CDH16: variants seen among roughly 807,000 people sequenced by gnomAD.
CDH16 encodes the protein cadherin 16.
Under a neutral mutation model 87.6 loss-of-function variants are expected in CDH16, and 79 were observed. The ratio of observed to expected loss-of-function variants is 0.90; its 90% CI spans 0.75 to 1.09. CDH16 has a LOEUF of 1.09. Among genes scored for constraint, CDH16 ranks in the 50% least tolerant of loss-of-function variants. The pLI is 0.00. For synonymous variants in CDH16, 457 were observed against 439.5 expected (o/e 1.04, Z -0.50); for missense variants, 1,124 against 1,071.7 (o/e 1.05, Z -0.68).
rs1307777934 is a variant in CDH16 at position 66,910,094 on chromosome 16, C to A, written c.2168-1G>T. ...GCCAAGGTGAGGTAGGCATGGGAAC[C>A]TTTTGGGACAGCAGGCAAAGACCAG... On this transcript the variant is annotated splice_acceptor_variant, in intron 15 of 17. Transcript: ENST00000299752. LOFTEE classifies it high-confidence loss of function. 3 of 1,608,772 alleles carry A rather than the reference C, an allele frequency of 1.9e-6. No individual in the cohort carries two copies. Among genetic ancestry groups the A allele is most frequent in the South Asian group, 1.1e-5 (1 of 90,258 alleles).
In CDH16 at chr16:66,909,190, A is replaced by C. The variant is rs1449288021; in HGVS notation, c.2392+77T>G. 5.5e-6 allele frequency: 5 copies of C among 908,534 alleles called. No individual in the cohort carries two copies. The highest frequency in any genetic ancestry group is 9.2e-6 in the Non-Finnish European group (5 of 541,932). The allele number at this position is 908,534 out of a possible 1,614,324, so 56.3% of individuals were successfully genotyped here. A position where few individuals can be genotyped will look rare whatever the true frequency, so the allele number is the denominator to read the frequency against. On this transcript the variant is annotated intron_variant, in intron 17 of 17. Coordinates refer to ENST00000299752, the MANE Select transcript of CDH16 (RefSeq NM_004062.4). The surrounding 1 kb of genome is among the most constrained non-coding windows in gnomAD (Gnocchi z 4.1). Reference sequence around the variant, plus strand: ...TCAGAGCTAGGGGCACCATGGGGACAAAGGTGTTTATTTGGAGGCTGTGGT... The same window carrying C: ...TCAGAGCTAGGGGCACCATGGGGACCAAGGTGTTTATTTGGAGGCTGTGGT...
chr16:66,916,230 G>A lies in CDH16; in HGVS notation c.286-27C>T. On this transcript the variant is annotated intron_variant, in intron 4 of 17. Transcript: ENST00000299752. The surrounding 1 kb of genome is among the most constrained non-coding windows in gnomAD (Gnocchi z 4.1). ...TGGCAGGGAAGGGGAGTCAGCGTCTGGCTCTGCCTTGCCTGCTCTCCCCTA... is the reference window on the plus strand; with the variant it reads ...TGGCAGGGAAGGGGAGTCAGCGTCTAGCTCTGCCTTGCCTGCTCTCCCCTA... The A allele has an allele frequency of 6.2e-7, 1 of 1,614,242 alleles. No homozygotes were observed. Among genetic ancestry groups the A allele is most frequent in the Non-Finnish European group, 8.5e-7 (1 of 1,180,026 alleles).
chr16:66,918,162 T>A (rs1175083696), intron 1 of CDH16, 84 bp from the exon 2 acceptor site: 1 of 876,344 alleles, frequency 1.1e-6, no homozygotes, highest in East Asian at 3.0e-5. Flanking sequence ...GGGATCGTAC[T>A]GCAGACTAGT....
chr16:66,909,288 C>T lies in CDH16; in HGVS notation c.2371G>A (p.Val791Ile). ...TTACCTATTGCTACCAGGGTGCCTA[C>T]AAGGATGCCCACTGCCGACAGCTTC... Reference protein sequence around the residue: ...PTKLSAVGILVGTLVAIGIFL... With the variant: ...PTKLSAVGILIGTLVAIGIFL... Residue 791 changes from valine to isoleucine, a missense_variant, in exon 17 of 18, where the codon GTA becomes ATA. Transcript: ENST00000299752. This position sits in a 1 kb window ranked among gnomAD's most constrained non-coding sequence, Gnocchi z 4.1. 6.2e-7 allele frequency: 1 copy of T among 1,613,020 alleles called. No homozygotes were observed.
intron 6 of CDH16, 62 bp from the exon 7 acceptor site, chr16:66,914,474 C>T (rs1379447258): frequency 1.6e-6 from 2 of 1,266,612 alleles, no homozygotes; most frequent in Admixed American, 3.8e-5. Context: ...GGGCATCATT[C>T]TCAGCAAGAT....
Position 66,916,162 on chromosome 16 carries a change from T to C in CDH16, c.327A>G (p.Pro109=), listed in dbSNP as rs751988526. The stretch of plus-strand genomic sequence containing the variant: ...CCTTCACGTGCACAAGCACAGGCTG[T>C]GGACCCCACAAGACATGTCCATCCT... ...EMQDGHVLWG[P]QPVLVHVKDE... Residue 109 remains proline (P), a synonymous_variant, in exon 5 of 18, where the codon CCA becomes CCG. Transcript: ENST00000299752. This position sits in a 1 kb window ranked among gnomAD's most constrained non-coding sequence, Gnocchi z 4.1. The C allele has an allele frequency of 6.2e-7, 1 of 1,614,270 alleles. No individual in the cohort carries two copies. The highest frequency in any genetic ancestry group is 2.2e-5 in the East Asian group (1 of 44,878).
chr16:66,912,456 C>G, intron 11 of CDH16, 26 bp from the exon 12 acceptor site: 1 of 1,613,800 alleles, frequency 6.2e-7, no homozygotes, highest in Non-Finnish European at 8.5e-7. Flanking sequence ...GGATGGTGAG[C>G]CCCCCACCAG....
Position 66,913,177 on chromosome 16 carries a change from G to A in CDH16, c.1008C>T (p.Cys336=), listed in dbSNP as rs151241188. 137 of 1,608,810 alleles carry A rather than the reference G, an allele frequency of 8.5e-5. 2 individuals are homozygous for A. The African/African-American group carries it at 1.2e-3, about 14-fold the overall frequency. ...TGCTGACTGTGGGGTCACGGGGAGGGCAGATAGGCACGTTGTCATTCTCAT... is the reference window on the plus strand; with the variant it reads ...TGCTGACTGTGGGGTCACGGGGAGGACAGATAGGCACGTTGTCATTCTCAT... The part of the protein sequence containing the change: ...VMDENDNVPI[C]PPRDPTVSIP... The change falls in exon 9 of 18, where the codon TGC becomes TGT. Residue 336 remains cysteine (C), a synonymous_variant. Coordinates refer to ENST00000299752, the MANE Select transcript of CDH16 (RefSeq NM_004062.4).
In CDH16 at chr16:66,913,480, C is replaced by A. The variant is rs3848284; in HGVS notation, c.903+11G>T. On this transcript the variant is annotated intron_variant, in intron 8 of 17. Coordinates refer to ENST00000299752, the MANE Select transcript of CDH16 (RefSeq NM_004062.4). ...CCCCAGCCTGCATCCCTGGCTCCCCCTTCATATCACCTCAGCCTGGGCTTC... is the reference window on the plus strand; with the variant it reads ...CCCCAGCCTGCATCCCTGGCTCCCCATTCATATCACCTCAGCCTGGGCTTC... The A allele has an allele frequency of 1.2e-6, 2 of 1,613,772 alleles. No individual in the cohort carries two copies. The highest frequency in any genetic ancestry group is 2.7e-5 in the African/African-American group (2 of 74,846).
intron 15 of CDH16, 54 bp downstream of exon 15, chr16:66,910,206 T>C: frequency 6.4e-7 from 1 of 1,556,672 alleles, no homozygotes; most frequent in Non-Finnish European, 8.7e-7. Context: ...CACTTCCAAG[T>C]GACACCCCCT....
chr16:66,917,985 C>T (rs375204785), intron 2 of CDH16, 36 bp downstream of exon 2: 13 of 1,543,730 alleles, frequency 8.4e-6, no homozygotes, highest in Non-Finnish European at 1.1e-5. Context: ...CCCCCAAAGC[C>T]AAGACCTGAA....
chr16:66,915,324 T>C lies in CDH16; in HGVS notation c.479A>G (p.Asn160Ser), dbSNP rs1394410231. The part of the protein sequence containing the change: ...ASDRDEPGTA[N>S]SDLRFHILSQ... ...CAGGATGTGGAATCGAAGATCCGAG[T>C]TGGCTGTGCCTGGCTCATCCCGGTC... The change falls in exon 6 of 18, where the codon AAC becomes AGC. Residue 160 changes from asparagine (N) to serine (S), a missense_variant. Coordinates refer to ENST00000299752, the MANE Select transcript of CDH16 (RefSeq NM_004062.4). 1 of 1,613,396 alleles carries C rather than the reference T, an allele frequency of 6.2e-7. No individual in the cohort carries two copies. The highest frequency in any genetic ancestry group is 1.7e-5 in the Admixed American group (1 of 59,956).
chr16:66,910,396 T>G lies in CDH16; in HGVS notation c.2031A>C (p.Thr677=). ...LAPVPSQYLC[T]PRQDHGLIVS... ...CGATCAAGCCATGGTCTTGGCGGGG[T>G]GTGCAGAGGTATTGGGAGGGCACAG... is the stretch of plus-strand genomic sequence containing the variant. Residue 677 remains threonine (T), a synonymous_variant, in exon 15 of 18, where the codon ACA becomes ACC. Coordinates refer to ENST00000299752, the MANE Select transcript of CDH16 (RefSeq NM_004062.4). 6.2e-7 allele frequency: 1 copy of G among 1,612,312 alleles called. No homozygotes were observed. Among genetic ancestry groups the G allele is most frequent in the Non-Finnish European group, 8.5e-7 (1 of 1,179,166 alleles).
In CDH16 at chr16:66,909,506, T is replaced by C. The variant is rs1962314685; in HGVS notation, c.2276-123A>G. 2 of 685,256 alleles carry C rather than the reference T, an allele frequency of 2.9e-6. No individual in the cohort carries two copies. Among genetic ancestry groups the C allele is most frequent in the Non-Finnish European group, 2.6e-6 (1 of 390,566 alleles). The allele number at this position is 685,256 out of a possible 1,614,324, so 42.4% of individuals were successfully genotyped here. ...CTGCACATGTGTGTATTCACATGTG[T>C]GTGAAGATATATGCGCTAGCCAGGC... is the stretch of plus-strand genomic sequence containing the variant. On this transcript the variant is annotated intron_variant, in intron 16 of 17. Coordinates refer to ENST00000299752, the MANE Select transcript of CDH16 (RefSeq NM_004062.4). The surrounding 1 kb of genome is among the most constrained non-coding windows in gnomAD (Gnocchi z 4.1).
At position 66,909,169 on chromosome 16, in the gene CDH16, A is replaced by G; in HGVS notation, c.2392+98T>C. 1 of 789,738 alleles carries G rather than the reference A, an allele frequency of 1.3e-6. No homozygotes were observed. The highest frequency in any genetic ancestry group is 2.2e-6 in the Non-Finnish European group (1 of 446,124). The allele number at this position is 789,738 out of a possible 1,614,324, so 48.9% of individuals were successfully genotyped here. On this transcript the variant is annotated intron_variant, in intron 17 of 17. Coordinates refer to ENST00000299752, the MANE Select transcript of CDH16 (RefSeq NM_004062.4). This position sits in a 1 kb window ranked among gnomAD's most constrained non-coding sequence, Gnocchi z 4.1. The stretch of plus-strand genomic sequence containing the variant: ...GAGAGTTGGGGGCTTCCTTTTTCAG[A>G]GCTAGGGGCACCATGGGGACAAAGG...
intron 7 of CDH16, 86 bp downstream of exon 7, chr16:66,914,130 A>G (rs1398896301): frequency 1.7e-6 from 2 of 1,203,268 alleles, no homozygotes; most frequent in Non-Finnish European, 2.4e-6. Flanking sequence ...TGAGGGTTCC[A>G]GACCCAGCCC....
At chr16:66,917,919 A>G (rs1368603280) in intron 2 of CDH16, 102 bp downstream of exon 2, 9 of 1,143,752 alleles carry the variant, frequency 7.9e-6, no homozygotes, top group African/African-American at 1.5e-5. Flanking sequence ...CATGCCTTGC[A>G]CCGTTCTCAC....
chr16:66,912,067 G>T lies in CDH16; in HGVS notation c.1622C>A (p.Pro541Gln), dbSNP rs1236798600. The change falls in exon 13 of 18, where the codon CCA becomes CAA. Residue 541 changes from proline to glutamine, a missense_variant. Coordinates refer to ENST00000299752, the MANE Select transcript of CDH16 (RefSeq NM_004062.4). Reference protein sequence around the residue: ...VVQSVAKLVGPGPGPGATATV... With the variant: ...VVQSVAKLVGQGPGPGATATV... ...GGCGGTGGCTCCAGGGCCTGGGCCT[G>T]GCCCCACCAGCTTCGCCACACTCTG... 1 of 1,614,046 alleles carries T rather than the reference G, an allele frequency of 6.2e-7. No homozygotes were observed. The highest frequency in any genetic ancestry group is 1.7e-5 in the Admixed American group (1 of 60,032).
Position 66,916,013 on chromosome 16 carries a change from T to C in CDH16, c.424+52A>G. On this transcript the variant is annotated intron_variant, in intron 5 of 17. Transcript: ENST00000299752. This position sits in a 1 kb window ranked among gnomAD's most constrained non-coding sequence, Gnocchi z 4.1. Reference sequence around the variant, plus strand: ...TGGCCATCTCTTCGCTCTCTGCTGTTCCATCAAGGCCCACCTGACCTTACT... The same window carrying C: ...TGGCCATCTCTTCGCTCTCTGCTGTCCCATCAAGGCCCACCTGACCTTACT... 6.2e-7 allele frequency: 1 copy of C among 1,610,688 alleles called. No individual in the cohort carries two copies.
Sources: gnomAD v4.1 joint callset for allele counts on GRCh38, gnomAD v4.1.1 for gene constraint, Gnocchi (gnomAD v3.1) non-coding constraint, MANE v1.5 for transcripts, NCBI Gene and HGNC (gene_info 2026-07-23, HGNC 2026-07-21) for gene names.